GFRA2: variants seen among roughly 807,000 people sequenced by gnomAD.
GFRA2 encodes the protein GDNF family receptor alpha-2.
GFRA2 carries 17 observed loss-of-function variants against 48.3 expected under a neutral mutation model. The observed-to-expected ratio is 0.35, with a 90% CI of 0.24 to 0.53. The LOEUF (loss-of-function observed/expected upper bound fraction) is 0.53. Among genes scored for constraint, GFRA2 ranks in the 20% least tolerant of loss-of-function variants. The probability of loss-of-function intolerance (pLI) is 0.93; values close to 1 mark genes in which losing one functional copy is unlikely to be tolerated. For missense variants in GFRA2, 660 were observed against 637.3 expected (o/e 1.04, Z -0.38); for synonymous variants, 305 against 257.2 (o/e 1.19, Z -1.78).
chr8:21,704,961 T>C (rs753512388), intron 6 of GFRA2, 24 bp downstream of exon 6: 24 of 1,588,198 alleles, frequency 1.5e-5, no homozygotes, highest in Non-Finnish European at 1.9e-5. Context: ...GCTGCTGGGG[T>C]TGGGGAGAAC....
chr8:21,798,308 G>A (rs933986768), intron 2 of GFRA2, among the ~76,000 whole-genome samples: 19 of 152,196 alleles, frequency 1.2e-4, no homozygotes, highest in Non-Finnish European at 2.1e-4. Flanking sequence ...CTGGGGTAGC[G>A]CAATGCCCAT....
At chr8:21,764,638 G>A (rs942991730) in intron 3 of GFRA2, among the ~76,000 whole-genome samples, 26 of 152,206 alleles carry the variant, frequency 1.7e-4, no homozygotes, top group African/African-American at 4.8e-4. Flanking sequence ...CCTGCCATGC[G>A]TGCTGGTGCA....
At chr8:21,708,469 T>C (rs1366821398) in intron 4 of GFRA2, among the ~76,000 whole-genome samples, 1 of 152,210 alleles carries the variant, frequency 6.6e-6, no homozygotes, top group Non-Finnish European at 1.5e-5. Flanking sequence ...AACAGGTAGA[T>C]GGGATTTAGA....
At chr8:21,778,484 T>C (rs1311942423) in intron 2 of GFRA2, among the ~76,000 whole-genome samples, 1 of 152,230 alleles carries the variant, frequency 6.6e-6, no homozygotes, top group African/African-American at 2.4e-5. Flanking sequence ...TCCCGACCTG[T>C]CTGCTGGCCA....
At chr8:21,800,925 CAAAAAA>C (rs34924711) in intron 2 of GFRA2, among the ~76,000 whole-genome samples, 2 of 112,576 alleles carry the variant, frequency 1.8e-5, no homozygotes, top group African/African-American at 3.3e-5. Context: ...GACCTGGTGT[CAAAAAA>C]AAAAAAAAAA....
At chr8:21,784,135 G>A (rs970619084) in intron 1 of GFRA2, among the ~76,000 whole-genome samples, 2 of 152,112 alleles carry the variant, frequency 1.3e-5, no homozygotes, top group African/African-American at 4.8e-5. Context: ...CAGTGCCTCA[G>A]GAGGGAGGGG....
intron 4 of GFRA2, among the ~76,000 whole-genome samples, chr8:21,712,949 T>C (rs1468192809): frequency 1.3e-5 from 2 of 148,882 alleles, no homozygotes; most frequent in East Asian, 4.0e-4. Flanking sequence ...TGAGCCGAGA[T>C]GGCAGCAGTA....
chr8:21,808,591 G>A (rs1807914175), intron 1 of GFRA2, among the ~76,000 whole-genome samples: 1 of 152,236 alleles, frequency 6.6e-6, no homozygotes, highest in African/African-American at 2.4e-5. Context: ...CTCCAGCGCA[G>A]GTCCAGGCAC....
rs540513071 is a variant in GFRA2, at chr8:21,760,243, G to A, written c.440-9301C>T. On this transcript the variant is annotated intron_variant, in intron 3 of 8. Coordinates refer to ENST00000524240, the MANE Select transcript of GFRA2 (RefSeq NM_001495.5). ...CAAAGCGCTGGAGAGCATTAAGGAG[G>A]AAGGCACATGACCTCATTCACTGAC... Among the ~76,000 whole-genome samples, 330 of 152,316 alleles carry A rather than the reference G, an allele frequency of 2.2e-3. 1 individual carries two copies. Among genetic ancestry groups the A allele is most frequent in the Admixed American group, 4.8e-3 (74 of 15,298 alleles).
intron 3 of GFRA2, among the ~76,000 whole-genome samples, chr8:21,770,009 T>A (rs2117687167): frequency 6.6e-6 from 1 of 152,274 alleles, no homozygotes; most frequent in Non-Finnish European, 1.5e-5. Flanking sequence ...CTCTTCTACC[T>A]TCAGTTCACA....
rs371399344 is a variant in GFRA2, at chr8:21,801,290, C to T, written c.-36+3727G>A. Among the ~76,000 whole-genome samples, 459 of 152,216 alleles carry T rather than the reference C, an allele frequency of 3.0e-3. 2 individuals carry two copies. The highest frequency in any genetic ancestry group is 0.024 in the Middle Eastern group (7 of 294). On this transcript the variant is annotated intron_variant, in intron 2 of 10. Transcript: ENST00000517328. ...GAGTCACCCCTCAGGCCTCCCAACA[C>T]AGTGGCTGCAGGACTGGGAGGCAGG...
intron 4 of GFRA2, among the ~76,000 whole-genome samples, chr8:21,736,868 T>C (rs1229708491): frequency 7.7e-6 from 1 of 130,338 alleles, no homozygotes; most frequent in Non-Finnish European, 1.5e-5. Context: ...TTTTGAGAAT[T>C]AGGGAGAAAA....
intron 6 of GFRA2, among the ~76,000 whole-genome samples, chr8:21,704,174 G>A (rs1300014121): frequency 6.6e-6 from 1 of 152,254 alleles, no homozygotes; most frequent in Non-Finnish European, 1.5e-5. Context: ...CCTCTGCCCA[G>A]GGTGGACTGG....
At chr8:21,790,474 C>G (rs1398613934), upstream of GFRA2, among the ~76,000 whole-genome samples, 1 of 152,242 alleles carries the variant, frequency 6.6e-6, no homozygotes, top group Admixed American at 6.5e-5. Context: ...CTAACAAAAC[C>G]AGCAGCCTTA....
At chr8:21,712,536 C>T (rs1490848244) in intron 4 of GFRA2, among the ~76,000 whole-genome samples, 2 of 149,794 alleles carry the variant, frequency 1.3e-5, no homozygotes, top group African/African-American at 2.5e-5. Context: ...GGCAGCCAGG[C>T]AGAGGGGCTC....
At chr8:21,708,288 C>T (rs971984468) in intron 4 of GFRA2, among the ~76,000 whole-genome samples, 7 of 152,242 alleles carry the variant, frequency 4.6e-5, no homozygotes, top group Admixed American at 2.6e-4. Context: ...TCCAAGCAAT[C>T]CTTCACCCCT....
intron 4 of GFRA2, among the ~76,000 whole-genome samples, chr8:21,714,246 C>CTTTGTTT (rs1803218184): frequency 1.3e-5 from 1 of 78,400 alleles, no homozygotes; most frequent in Non-Finnish European, 2.2e-5. Context: ...GTCTGAAGTT[C>CTTTGTTT]TTTTTTTTTT....
intron 2 of GFRA2, among the ~76,000 whole-genome samples, chr8:21,798,559 A>G (rs1338413320): frequency 6.6e-6 from 1 of 152,196 alleles, no homozygotes; most frequent in Admixed American, 6.5e-5. Context: ...TAGTTCCTCT[A>G]GGATAACAGT....
In GFRA2 at chr8:21,706,454, G is replaced by A. The variant is rs571965157; in HGVS notation, c.795-413C>T. On this transcript the variant is annotated intron_variant, in intron 4 of 8. Transcript: ENST00000524240. ...TGAGCCTGCCCAAGTCCTTCAACCC[G>A]GCACTGCAAAATCCCACCAGCAAAA... The A allele has an allele frequency of 3.4e-4, 154 of 459,616 alleles. 1 individual carries two copies. In the East Asian group the frequency reaches 5.4e-3, roughly 16 times the overall value. The allele number at this position is 459,616 out of a possible 1,614,324, so 28.5% of individuals were successfully genotyped here.
Sources: allele counts gnomAD v4.1 joint callset (sites outside exome capture counted in the v4.1 genomes callset), GRCh38; gene constraint gnomAD v4.1.1; transcripts MANE v1.5; gene names NCBI Gene and HGNC (gene_info 2026-07-23, HGNC 2026-07-21).